ATRNL1: variants seen among roughly 807,000 people sequenced by gnomAD.
The protein encoded by ATRNL1 is attractin-like protein 1.
A neutral mutation model predicts 182.7 loss-of-function variants in ATRNL1; 95 were observed. The ratio of observed to expected loss-of-function variants is 0.52; its 90% CI spans 0.44 to 0.62. The LOEUF is 0.62. Among genes scored for constraint, ATRNL1 ranks in the 20% least tolerant of loss-of-function variants. The pLI, the probability that ATRNL1 is intolerant of heterozygous loss-of-function variation, is 0.00. For synonymous variants in ATRNL1, 576 were observed against 568.3 expected, an observed-to-expected ratio of 1.01 and a Z score of -0.19; for missense variants, 1,471 against 1,679.5, an observed-to-expected ratio of 0.88 and a Z score of 2.17.
chr10:115,096,685 T>A, intron 1 of ATRNL1: 5 of 1,288,990 alleles, frequency 3.9e-6, no homozygotes, highest in Non-Finnish European at 5.1e-6. Context: ...AAATGTTTCT[T>A]GAGGATAGAA....
At chr10:115,873,928 T>C (rs1951641265) in intron 28 of ATRNL1, among the ~76,000 whole-genome samples, 1 of 152,214 alleles carries the variant, frequency 6.6e-6, no homozygotes, top group African/African-American at 2.4e-5. Context: ...TTGATCCAGA[T>C]GCAAATAACT....
chr10:115,204,083 T>G (rs1848706985), intron 8 of ATRNL1, among the ~76,000 whole-genome samples: 1 of 152,092 alleles, frequency 6.6e-6, no homozygotes, highest in Admixed American at 6.6e-5. Flanking sequence ...TCTTTTTTGG[T>G]TTCTTTTTCA....
rs180969239 is a variant in ATRNL1 at position 115,817,979 on chromosome 10, T to A, written c.3904-29898T>A. 1.3e-4 allele frequency among the ~76,000 whole-genome samples: 20 copies of A among 151,756 alleles called. No homozygotes were observed. The East Asian group carries it at 3.7e-3, about 28-fold the overall frequency. The stretch of plus-strand genomic sequence containing the variant: ...GATGTCATTAGCCAGTGTTTTATCA[T>A]CAGGGAGAGACTATTTTACAACAAA... On this transcript the variant is annotated intron_variant, in intron 27 of 28. Coordinates refer to ENST00000355044, the MANE Select transcript of ATRNL1 (RefSeq NM_207303.4).
At chr10:115,419,745 C>G (rs1845567330) in intron 20 of ATRNL1, among the ~76,000 whole-genome samples, 1 of 152,152 alleles carries the variant, frequency 6.6e-6, no homozygotes, top group South Asian at 2.1e-4. Flanking sequence ...TATGTGCCCA[C>G]TAGCAGAGGA....
chr10:115,165,117 A>T (rs1212327137), intron 6 of ATRNL1, among the ~76,000 whole-genome samples: 1 of 151,976 alleles, frequency 6.6e-6, no homozygotes, highest in Non-Finnish European at 1.5e-5. Flanking sequence ...TCAATAAAAA[A>T]CTTATAAGTA....
chr10:115,590,641 C>G (rs1439428241), intron 26 of ATRNL1, among the ~76,000 whole-genome samples: 1 of 152,110 alleles, frequency 6.6e-6, no homozygotes, highest in East Asian at 1.9e-4. Flanking sequence ...CACCTGCCTC[C>G]TCCAGGAAGA....
chr10:115,867,619 C>T (rs1404497666), intron 28 of ATRNL1, among the ~76,000 whole-genome samples: 1 of 152,150 alleles, frequency 6.6e-6, no homozygotes, highest in Non-Finnish European at 1.5e-5. Flanking sequence ...TCTTGTGCCG[C>T]TTCCATCTTA....
intron 26 of ATRNL1, among the ~76,000 whole-genome samples, chr10:115,552,802 A>G (rs1853076080): frequency 6.6e-6 from 1 of 151,196 alleles, no homozygotes; most frequent in East Asian, 1.9e-4. Context: ...ACCCCAAACA[A>G]ATTTCTGTGG....
rs1948482963 is a variant in ATRNL1 at position 115,752,761 on chromosome 10, G to A, written c.3903+25406G>A. On this transcript the variant is annotated intron_variant, in intron 27 of 28. Transcript: ENST00000355044. ...AAATAGACAAGAAAATGATAGTTAT[G>A]CAAACTAATGTTAGCAATTATTTTG... 1.3e-5 allele frequency among the ~76,000 whole-genome samples: 2 copies of A among 152,076 alleles called. 1 individual carries two copies. The highest frequency in any genetic ancestry group is 4.1e-4 in the South Asian group (2 of 4,834).
chr10:115,470,143 A>G (rs1160891577), intron 24 of ATRNL1, among the ~76,000 whole-genome samples: 1 of 150,414 alleles, frequency 6.6e-6, no homozygotes, highest in Non-Finnish European at 1.5e-5. Context: ...GTAACTAGAA[A>G]TGTTTGCAGG....
chr10:115,242,983 A>G (rs1373737228), intron 10 of ATRNL1, among the ~76,000 whole-genome samples: 2 of 151,992 alleles, frequency 1.3e-5, no homozygotes, highest in Non-Finnish European at 2.9e-5. Flanking sequence ...TCTCATTGCT[A>G]GATTGGGCCT....
intron 19 of ATRNL1, among the ~76,000 whole-genome samples, chr10:115,355,716 C>G (rs1297246890): frequency 6.6e-6 from 1 of 151,722 alleles, no homozygotes; most frequent in Non-Finnish European, 1.5e-5. Context: ...AAGTTTATTG[C>G]AAGGTGCTTA....
At chr10:115,795,812 C>A (rs1238938158) in intron 27 of ATRNL1, among the ~76,000 whole-genome samples, 1 of 152,150 alleles carries the variant, frequency 6.6e-6, no homozygotes, top group African/African-American at 2.4e-5. Context: ...GATCCAATCA[C>A]CTCCCACCAG....
chr10:115,860,282 A>G (rs1555103202), intron 28 of ATRNL1, among the ~76,000 whole-genome samples: 1 of 152,190 alleles, frequency 6.6e-6, no homozygotes, highest in African/African-American at 2.4e-5. Context: ...TGCAGTGACC[A>G]TACATTCAGT....
intron 28 of ATRNL1, among the ~76,000 whole-genome samples, chr10:115,888,447 C>T (rs141874960): frequency 1.4e-4 from 22 of 152,246 alleles, no homozygotes; most frequent in Admixed American, 2.6e-4. Context: ...TCTTACAGGT[C>T]CTTACCGCTC....
intron 5 of ATRNL1, among the ~76,000 whole-genome samples, chr10:115,132,722 A>T (rs1446916100): frequency 2.0e-5 from 3 of 152,154 alleles, no homozygotes; most frequent in Admixed American, 6.5e-5. Flanking sequence ...GGCTGCATAA[A>T]TGTCTTCTTT....
chr10:115,367,550 C>T (rs549120967), intron 19 of ATRNL1, among the ~76,000 whole-genome samples: 30 of 152,106 alleles, frequency 2.0e-4, no homozygotes, highest in Middle Eastern at 3.4e-3. Flanking sequence ...AGCTTTGTTC[C>T]GTTGCTGGTG....
At chr10:115,737,405 A>C (rs534071519) in intron 27 of ATRNL1, among the ~76,000 whole-genome samples, 3 of 151,668 alleles carry the variant, frequency 2.0e-5, no homozygotes, top group African/African-American at 4.8e-5. Flanking sequence ...ACTGCACTCC[A>C]GCCTGGTTGA....
In ATRNL1 at chr10:115,128,695, C is replaced by T. The variant is rs996669847; in HGVS notation, c.621-632C>T. On this transcript the variant is annotated intron_variant, in intron 4 of 28. Transcript: ENST00000355044. ...CAAAAAAATTAGCCAGGCATGGTGG[C>T]GGGCGCCTGTAGTCCCAGCTACTCG... 1.3e-4 allele frequency among the ~76,000 whole-genome samples: 20 copies of T among 151,982 alleles called. No homozygotes were observed. In the East Asian group the frequency reaches 2.3e-3, roughly 18 times the overall value.
Sources: allele counts gnomAD v4.1 joint callset (sites outside exome capture counted in the v4.1 genomes callset), GRCh38; gene constraint gnomAD v4.1.1; transcripts MANE v1.5; gene names NCBI Gene and HGNC (gene_info 2026-07-23, HGNC 2026-07-21).